PRRT2: variants seen among roughly 807,000 people sequenced by gnomAD.
PRRT2 encodes the protein proline rich transmembrane protein 2, also known as proline-rich transmembrane protein 2.
PRRT2 carries 9 observed loss-of-function variants against 24.7 expected under a neutral mutation model. The observed-to-expected ratio is 0.36, with a 90% confidence interval of 0.22 to 0.64. The LOEUF (loss-of-function observed/expected upper bound fraction) is 0.64. Ranked by LOEUF, PRRT2 falls within the 30% of genes least tolerant of loss-of-function variation. PRRT2 has a pLI of 0.65. For missense variants in PRRT2, 460 were observed against 435.0 expected (o/e 1.06, Z -0.51); for synonymous variants, 195 against 175.5 (o/e 1.11, Z -0.88).
At position 29,813,273 on chromosome 16, in the gene PRRT2, G is replaced by A. The variant is rs1378166063; in HGVS notation, c.219G>A (p.Glu73=). The change falls in exon 2 of 4, where the codon GAG becomes GAA. Residue 73 remains glutamate, a synonymous_variant. Transcript: ENST00000358758. ...CTGGGCTGGCTCCAGAAACCACAGA[G>A]ACCCCGGCTGGGGCCTCAGAAACAG... ...PKAGLAPETT[E]TPAGASETAQ... 1.2e-6 allele frequency: 2 copies of A among 1,613,938 alleles called. No individual in the cohort carries two copies. The highest frequency in any genetic ancestry group is 1.7e-5 in the Admixed American group (1 of 60,016).
Position 29,813,743 on chromosome 16 carries a change from G to A in PRRT2, c.689G>A (p.Arg230Lys), listed in dbSNP as rs1398676958. The change falls in exon 2 of 4, where the codon AGG becomes AAG. Residue 230 changes from arginine (R) to lysine (K), a missense_variant. By Grantham distance (26) the Arg-to-Lys change is conservative. Around this residue, in one of 3 missense-constraint regions of PRRT2, gnomAD observed 378 missense variants for 324.6 expected, o/e 1.16. Transcript: ENST00000358758. The stretch of plus-strand genomic sequence containing the variant: ...CTGGTTGAGGAGGATCGAATGAGAA[G>A]GGCACACAGTGGGCATCCAGGATCT... Reference protein sequence around the residue: ...QQLVEEDRMRRAHSGHPGSPR... With the variant: ...QQLVEEDRMRKAHSGHPGSPR... 1.9e-6 allele frequency: 3 copies of A among 1,586,994 alleles called. No homozygotes were observed. Among genetic ancestry groups the A allele is most frequent in the Non-Finnish European group, 2.6e-6 (3 of 1,166,126 alleles).
rs1567377849 is a variant in PRRT2 at position 29,812,239 on chromosome 16, C to T, written c.-150C>T. 2 of 163,498 alleles carry T rather than the reference C, an allele frequency of 1.2e-5. No individual in the cohort carries two copies. Among genetic ancestry groups the T allele is most frequent in the East Asian group, 3.8e-4 (2 of 5,220 alleles). 10.1% of individuals were successfully genotyped at this position (163,498 alleles called of 1,614,324 possible). On this transcript the variant is annotated 5_prime_UTR_variant, in exon 1 of 4. Transcript: ENST00000358758. ...AGGGAGACCCGCCGCCTCCCTCCCTCCCTAGCTGACTTGCTCCCTCCCGGG... is the reference window on the plus strand; with the variant it reads ...AGGGAGACCCGCCGCCTCCCTCCCTTCCTAGCTGACTTGCTCCCTCCCGGG...
At position 29,814,588 on chromosome 16, in the gene PRRT2, C is replaced by T. The variant is rs1379911210; in HGVS notation, c.1013-40C>T. 6.2e-7 allele frequency: 1 copy of T among 1,607,786 alleles called. No homozygotes were observed. Among genetic ancestry groups the T allele is most frequent in the Non-Finnish European group, 8.5e-7 (1 of 1,174,670 alleles). On this transcript the variant is annotated intron_variant, in intron 3 of 3. Coordinates refer to ENST00000358758, the MANE Select transcript of PRRT2 (RefSeq NM_145239.3). This position sits in a 1 kb window ranked among gnomAD's most constrained non-coding sequence, Gnocchi z 4.1. ...ACCTCTCCTTTGTCTCTCCTTGTCT[C>T]CCCCTCCCCCCGTCTGTCCTTCCCT...
intron 1 of PRRT2, 43 bp from the exon 2 acceptor site, chr16:29,812,947 C>T: frequency 8.0e-7 from 1 of 1,247,410 alleles, no homozygotes; most frequent in Non-Finnish European, 1.1e-6. Context: ...GTGCTGAGCG[C>T]CCTCTTCCCT....
At position 29,813,488 on chromosome 16, in the gene PRRT2, G is replaced by A. The variant is rs200877676; in HGVS notation, c.434G>A (p.Arg145Gln). ...GAGCCTGCTCCCCAACCAGACCCCC[G>A]GCCAGATTCCCAGCCTACCCCCAAG... ...APEPAPQPDP[R>Q]PDSQPTPKPA... The change falls in exon 2 of 4, where the codon CGG (arginine) becomes CAG (glutamine). Residue 145 changes from arginine (R) to glutamine (Q), a missense_variant. Coordinates refer to ENST00000358758, the MANE Select transcript of PRRT2 (RefSeq NM_145239.3). The A allele has an allele frequency of 1.4e-5, 23 of 1,613,258 alleles. No homozygotes were observed. In the Admixed American group the frequency reaches 1.5e-4, roughly 11 times the overall value.
In PRRT2 at chr16:29,813,940, C is replaced by T; in HGVS notation, c.879+7C>T. On this transcript the variant is annotated splice_region_variant and intron_variant, in intron 2 of 3. Coordinates refer to ENST00000358758, the MANE Select transcript of PRRT2 (RefSeq NM_145239.3). Reference sequence around the variant, plus strand: ...CTTCGCTTATGCTGTCATGGTGAGCCCCATGGGACCCTAGCCCAGGCCTGC... The same window carrying T: ...CTTCGCTTATGCTGTCATGGTGAGCTCCATGGGACCCTAGCCCAGGCCTGC... 1.9e-6 allele frequency: 3 copies of T among 1,571,318 alleles called. No homozygotes were observed. The highest frequency in any genetic ancestry group is 2.3e-5 in the East Asian group (1 of 44,358).
rs1045968 is a variant in PRRT2 at position 29,815,044 on chromosome 16, G to T, written c.*406G>T. On this transcript the variant is annotated 3_prime_UTR_variant, in exon 4 of 4. Transcript: ENST00000358758. ...AATTCTCTGGACCTCCACCCTGGCC[G>T]CCTCCTCCCAACTTTCATTGTCTTG... 30,566 of 207,628 alleles carry T rather than the reference G, an allele frequency of 0.15. 2,589 individuals are homozygous for T. Among genetic ancestry groups the T allele is most frequent in the African/African-American group, 0.23 (9,978 of 43,114 alleles). 12.9% of individuals were successfully genotyped at this position (207,628 alleles called of 1,614,324 possible).
Position 29,814,733 on chromosome 16 carries a change from C to T in PRRT2, c.*95C>T. ...GGGGAGCCCAACTGATGGCCCTGGCCCCCACCCCTAAGGACCAAGGGAGCC... is the reference window on the plus strand; with the variant it reads ...GGGGAGCCCAACTGATGGCCCTGGCTCCCACCCCTAAGGACCAAGGGAGCC... On this transcript the variant is annotated 3_prime_UTR_variant, in exon 4 of 4. Transcript: ENST00000358758. This position sits in a 1 kb window ranked among gnomAD's most constrained non-coding sequence, Gnocchi z 4.1. 1.4e-6 allele frequency: 2 copies of T among 1,391,672 alleles called. No homozygotes were observed. The highest frequency in any genetic ancestry group is 2.4e-5 in the East Asian group (1 of 42,242). 86.2% of individuals were successfully genotyped at this position (1,391,672 alleles called of 1,614,324 possible).
Position 29,815,340 on chromosome 16 carries a change from G to T in PRRT2, c.*702G>T, listed in dbSNP as rs1900193936. 1 of 152,670 alleles carries T rather than the reference G, an allele frequency of 6.6e-6. No homozygotes were observed. 9.5% of individuals were successfully genotyped at this position (152,670 alleles called of 1,614,324 possible). ...TCGGACACCCAAGGGTGCCTGGCAGGTCGCAGAGTTGGCAAGCCGGGCCTC... is the reference window on the plus strand; with the variant it reads ...TCGGACACCCAAGGGTGCCTGGCAGTTCGCAGAGTTGGCAAGCCGGGCCTC... On this transcript the variant is annotated 3_prime_UTR_variant, in exon 4 of 4. Coordinates refer to ENST00000358758, the MANE Select transcript of PRRT2 (RefSeq NM_145239.3).
rs1237572544 is a variant in PRRT2 at position 29,813,696 on chromosome 16, C to T, written c.642C>T (p.Ala214=). 7 of 1,520,482 alleles carry T rather than the reference C, an allele frequency of 4.6e-6. No homozygotes were observed. Among genetic ancestry groups the T allele is most frequent in the Middle Eastern group, 1.7e-4 (1 of 5,752 alleles). 94.2% of individuals were successfully genotyped at this position (1,520,482 alleles called of 1,614,324 possible). Residue 214 remains alanine (A), a synonymous_variant, in exon 2 of 4, where the codon GCC becomes GCT. Transcript: ENST00000358758. ...AAAAATCCCCCCCAGCCAATGGGGC[C>T]CCCCCCCGAGTGCTGCAGCAGCTGG... The part of the protein sequence containing the change: ...PSKKSPPANG[A]PPRVLQQLVE...
chr16:29,815,164 T>C lies in PRRT2; in HGVS notation c.*526T>C. The C allele has an allele frequency of 6.3e-6, 1 of 158,228 alleles. No homozygotes were observed. The highest frequency in any genetic ancestry group is 1.7e-4 in the South Asian group (1 of 5,728). The allele number at this position is 158,228 out of a possible 1,614,324, so 9.8% of individuals were successfully genotyped here. On this transcript the variant is annotated 3_prime_UTR_variant, in exon 4 of 4. Coordinates refer to ENST00000358758, the MANE Select transcript of PRRT2 (RefSeq NM_145239.3). ...CCCCCTTCCTCTTCCTGCCTCCTCATCTCCCTTAAGCATCCTCTTCTCCAA... is the reference window on the plus strand; with the variant it reads ...CCCCCTTCCTCTTCCTGCCTCCTCACCTCCCTTAAGCATCCTCTTCTCCAA...
In PRRT2 at chr16:29,813,698, C is replaced by G. The variant is rs200926711; in HGVS notation, c.644C>G (p.Pro215Arg). Reference sequence around the variant, plus strand: ...AAATCCCCCCCAGCCAATGGGGCCCCCCCCCGAGTGCTGCAGCAGCTGGTT... The same window carrying G: ...AAATCCCCCCCAGCCAATGGGGCCCGCCCCCGAGTGCTGCAGCAGCTGGTT... ...SKKSPPANGA[P>R]PRVLQQLVEE... is the part of the protein sequence containing the mutation. Residue 215 changes from proline to arginine, a missense_variant, in exon 2 of 4, where the codon CCC becomes CGC. Coordinates refer to ENST00000358758, the MANE Select transcript of PRRT2 (RefSeq NM_145239.3). 619 of 1,575,196 alleles carry G rather than the reference C, an allele frequency of 3.9e-4. 6 individuals are homozygous for G. The Middle Eastern group carries it at 5.6e-3, about 14-fold the overall frequency.
chr16:29,813,040 C>T lies in PRRT2; in HGVS notation c.-15C>T, dbSNP rs763847964. 1.3e-6 allele frequency: 2 copies of T among 1,583,440 alleles called. No individual in the cohort carries two copies. The highest frequency in any genetic ancestry group is 1.7e-6 in the Non-Finnish European group (2 of 1,166,318). On this transcript the variant is annotated 5_prime_UTR_variant, in exon 2 of 4. Transcript: ENST00000358758. ...ATCCTCCCCATAGGGGCTCTCTCCCCTCTCCCATCTCAAGATGGCAGCCAG... is the reference window on the plus strand; with the variant it reads ...ATCCTCCCCATAGGGGCTCTCTCCCTTCTCCCATCTCAAGATGGCAGCCAG...
chr16:29,812,862 C>G (rs545704973), intron 1 of PRRT2, 128 bp from the exon 2 acceptor site: 6 of 586,666 alleles, frequency 1.0e-5, no homozygotes, highest in Middle Eastern at 4.6e-4. Flanking sequence ...AAAGGAAACC[C>G]CAACTTTTCT....
In PRRT2 at chr16:29,814,352, AG is replaced by A; in HGVS notation, c.904del (p.Asp302ThrfsTer11). 6.2e-7 allele frequency: 1 copy of A among 1,606,362 alleles called. No homozygotes were observed. Reference sequence around the variant, plus strand: ...CCCCAGTCCCGGAACAGCCTGCAGCAGGGGGACGTGGACGGGGCCCAGCGTC... The same window carrying A: ...CCCCAGTCCCGGAACAGCCTGCAGCAGGGGACGTGGACGGGGCCCAGCGTC... The part of the protein sequence containing the change: ...YAVMSRNSLQ[Q>X]GDVDGAQRLG... On this transcript the variant is annotated frameshift_variant, in exon 3 of 4. Coordinates refer to ENST00000358758, the MANE Select transcript of PRRT2 (RefSeq NM_145239.3). LOFTEE classifies it high-confidence loss of function. This position sits in a 1 kb window ranked among gnomAD's most constrained non-coding sequence, Gnocchi z 4.1.
chr16:29,814,425 A>C lies in PRRT2; in HGVS notation c.972A>C (p.Gly324=). The C allele has an allele frequency of 6.2e-7, 1 of 1,605,652 alleles. No individual in the cohort carries two copies. Among genetic ancestry groups the C allele is most frequent in the Non-Finnish European group, 8.5e-7 (1 of 1,175,968 alleles). ...KLLSIVALVG[G]VLIIIASCVI... ...TAAGCATCGTGGCGCTGGTGGGGGGAGTCCTCATCATCATCGCCTCCTGCG... is the reference window on the plus strand; with the variant it reads ...TAAGCATCGTGGCGCTGGTGGGGGGCGTCCTCATCATCATCGCCTCCTGCG... Residue 324 remains glycine, a synonymous_variant, in exon 3 of 4, where the codon GGA becomes GGC. Coordinates refer to ENST00000358758, the MANE Select transcript of PRRT2 (RefSeq NM_145239.3). The surrounding 1 kb of genome is among the most constrained non-coding windows in gnomAD (Gnocchi z 4.1).
chr16:29,813,178 C>G lies in PRRT2; in HGVS notation c.124C>G (p.Pro42Ala). The G allele has an allele frequency of 6.2e-7, 1 of 1,613,944 alleles. No homozygotes were observed. The highest frequency in any genetic ancestry group is 8.5e-7 in the Non-Finnish European group (1 of 1,180,000). Residue 42 changes from proline to alanine, a missense_variant, in exon 2 of 4, where the codon CCA (proline) becomes GCA (alanine). By Grantham distance (27) the Pro-to-Ala change is conservative. Around this residue, in one of 3 missense-constraint regions of PRRT2, gnomAD observed 378 missense variants for 324.6 expected, o/e 1.16. Coordinates refer to ENST00000358758, the MANE Select transcript of PRRT2 (RefSeq NM_145239.3). ...CCCTCCCCAGGTCCTAGCAGGGGTA[C>G]CAGACCAGCCAGAGGCCCCGCAGCC... Reference protein sequence around the residue: ...TGPPQVLAGVPDQPEAPQPGP... With the variant: ...TGPPQVLAGVADQPEAPQPGP...
At position 29,814,577 on chromosome 16, in the gene PRRT2, T is replaced by C; in HGVS notation, c.1013-51T>C. ...CTGTCCTCCTTACCTCTCCTTTGTC[T>C]CTCCTTGTCTCCCCCTCCCCCCGTC... On this transcript the variant is annotated intron_variant, in intron 3 of 3. Coordinates refer to ENST00000358758, the MANE Select transcript of PRRT2 (RefSeq NM_145239.3). The surrounding 1 kb of genome is among the most constrained non-coding windows in gnomAD (Gnocchi z 4.1). 4 of 1,609,530 alleles carry C rather than the reference T, an allele frequency of 2.5e-6. No homozygotes were observed. The highest frequency in any genetic ancestry group is 3.4e-6 in the Non-Finnish European group (4 of 1,176,558).
In PRRT2 at chr16:29,813,202, C is replaced by A; in HGVS notation, c.148C>A (p.Pro50Thr). Residue 50 changes from proline (P) to threonine (T), a missense_variant, in exon 2 of 4, where the codon CCA becomes ACA. Physicochemically the swap from Pro to Thr is conservative, Grantham distance 38. Coordinates refer to ENST00000358758, the MANE Select transcript of PRRT2 (RefSeq NM_145239.3). ...GVPDQPEAPQ[P>T]GPNTTAAPVD... ...ACCAGACCAGCCAGAGGCCCCGCAG[C>A]CAGGTCCAAACACCACTGCGGCCCC... is the stretch of plus-strand genomic sequence containing the variant. 6.2e-7 allele frequency: 1 copy of A among 1,613,952 alleles called. No individual in the cohort carries two copies. The highest frequency in any genetic ancestry group is 1.1e-5 in the South Asian group (1 of 91,082).
Sources: allele counts gnomAD v4.1 joint callset, GRCh38; gene constraint gnomAD v4.1.1; regional missense constraint gnomAD v4.1.1; non-coding constraint Gnocchi (gnomAD v3.1); transcripts MANE v1.5; gene names NCBI Gene and HGNC (gene_info 2026-07-23, HGNC 2026-07-21).